TPGS2: variants seen among roughly 807,000 people sequenced by gnomAD.
TPGS2 encodes the protein tubulin polyglutamylase complex subunit 2.
TPGS2 carries 26 observed loss-of-function variants against 31.1 expected under a neutral mutation model. That is an observed-to-expected ratio of 0.84 (90% CI 0.61 to 1.16). TPGS2 has a LOEUF of 1.16. Among genes scored for constraint, TPGS2 ranks in the 50% most tolerant of loss-of-function variants. The pLI, the probability that TPGS2 is intolerant of heterozygous loss-of-function variation, is 0.00. For missense variants in TPGS2, 351 were observed against 363.8 expected, an observed-to-expected ratio of 0.96 and a Z score of 0.29; for synonymous variants, 130 against 136.6, an observed-to-expected ratio of 0.95 and a Z score of 0.34.
rs1424435566 is a variant in TPGS2 at position 36,795,661 on chromosome 18, A to G, written c.*1144T>C. 1.0e-6 allele frequency: 1 copy of G among 985,362 alleles called. No individual in the cohort carries two copies. The highest frequency in any genetic ancestry group is 1.7e-5 in the African/African-American group (1 of 57,252). The allele number at this position is 985,362 out of a possible 1,614,324, so 61.0% of individuals were successfully genotyped here. A position where few individuals can be genotyped will look rare whatever the true frequency, so the allele number is the denominator to read the frequency against. The stretch of plus-strand genomic sequence containing the variant: ...ATGTCAGATTTATCTTGTGTCAAAT[A>G]TTAAGCATATGTGGGCTAGAGGTTC... On this transcript the variant is annotated 3_prime_UTR_variant, in exon 7 of 7. Coordinates refer to ENST00000334295, the MANE Select transcript of TPGS2 (RefSeq NM_015476.4).
chr18:36,816,465 T>C (rs953825185), intron 2 of TPGS2, among the ~76,000 whole-genome samples: 3 of 152,226 alleles, frequency 2.0e-5, no homozygotes, highest in African/African-American at 7.2e-5. Context: ...AGGAAGAATA[T>C]GCCTCAGAAA....
downstream of TPGS2, among the ~76,000 whole-genome samples, chr18:36,793,144 G>C (rs1221305741): frequency 6.6e-6 from 1 of 152,180 alleles, no homozygotes; most frequent in Non-Finnish European, 1.5e-5. Flanking sequence ...ACTTAGTTTA[G>C]TGCTCTTCTG....
Position 36,795,337 on chromosome 18 carries a change from G to C in TPGS2, c.*1468C>G, listed in dbSNP as rs1266395359. ...GGAAGTCTGGCCAATCACCGGGGTAGAGAGAAGTCAGGAAAGAGAATGAGC... is the reference window on the plus strand; with the variant it reads ...GGAAGTCTGGCCAATCACCGGGGTACAGAGAAGTCAGGAAAGAGAATGAGC... On this transcript the variant is annotated 3_prime_UTR_variant, in exon 7 of 7. Transcript: ENST00000334295. The C allele has an allele frequency of 4.1e-6, 4 of 985,450 alleles. No individual in the cohort carries two copies. 61.0% of individuals were successfully genotyped at this position (985,450 alleles called of 1,614,324 possible).
chr18:36,801,759 T>TATC (rs1400969305), intron 4 of TPGS2, among the ~76,000 whole-genome samples: 1 of 118,280 alleles, frequency 8.5e-6, no homozygotes, highest in East Asian at 1.9e-4. Context: ...ATTTTCTCTT[T>TATC]ATCTTTGATT....
At chr18:36,791,201 C>T (rs1231874271), downstream of TPGS2, among the ~76,000 whole-genome samples, 1 of 152,194 alleles carries the variant, frequency 6.6e-6, no homozygotes, top group East Asian at 1.9e-4. Flanking sequence ...TGAGGCCTCC[C>T]CAGCTATGCT....
intron 1 of TPGS2, among the ~76,000 whole-genome samples, chr18:36,827,664 A>C (rs1045159374): frequency 1.7e-4 from 26 of 152,214 alleles, no homozygotes; most frequent in African/African-American, 6.0e-4. Context: ...CAGCCTTCTT[A>C]AAAGACCTTT....
chr18:36,826,832 T>C (rs889996971), intron 1 of TPGS2, among the ~76,000 whole-genome samples: 5 of 152,198 alleles, frequency 3.3e-5, no homozygotes, highest in Non-Finnish European at 7.3e-5. Context: ...TCTTTCACCA[T>C]TACATATGAT....
intron 3 of TPGS2, among the ~76,000 whole-genome samples, chr18:36,806,392 G>A (rs1196649759): frequency 6.6e-6 from 1 of 152,178 alleles, no homozygotes; most frequent in Non-Finnish European, 1.5e-5. Context: ...GGGAAAGTCT[G>A]TCAGTTGGTT....
At chr18:36,823,522 G>A (rs1292669459) in intron 1 of TPGS2, among the ~76,000 whole-genome samples, 1 of 139,454 alleles carries the variant, frequency 7.2e-6, no homozygotes, top group Non-Finnish European at 1.5e-5. Context: ...GTGCAGTGGC[G>A]CGATCTCGGC....
chr18:36,804,310 C>A (rs2044998299), intron 4 of TPGS2, among the ~76,000 whole-genome samples: 1 of 152,194 alleles, frequency 6.6e-6, no homozygotes, highest in Non-Finnish European at 1.5e-5. Flanking sequence ...GTATGTGGAA[C>A]AATGTGATCC....
In TPGS2 at chr18:36,795,471, G is replaced by GAAC. The variant is rs1162224188; in HGVS notation, c.*1331_*1333dup. On this transcript the variant is annotated 3_prime_UTR_variant, in exon 7 of 7. Transcript: ENST00000334295. ...AGTACAAAAACTGCAGCCACCCAAAGAACTTGGGGCTAGGTGGGTGACTCC... is the reference window on the plus strand; with the variant it reads ...AGTACAAAAACTGCAGCCACCCAAAGAACAACTTGGGGCTAGGTGGGTGACTCC... The GAAC allele has an allele frequency of 9.1e-6, 9 of 985,316 alleles. No individual in the cohort carries two copies. In the Admixed American group the frequency reaches 4.3e-4, roughly 47 times the overall value. 61.0% of individuals were successfully genotyped at this position (985,316 alleles called of 1,614,324 possible).
At chr18:36,781,293 A>G (rs1474115508), downstream of TPGS2, among the ~76,000 whole-genome samples, 1 of 152,152 alleles carries the variant, frequency 6.6e-6, no homozygotes, top group Non-Finnish European at 1.5e-5. Flanking sequence ...AAGGTAAACC[A>G]TTGCAGCAGG....
At chr18:36,824,242 A>G (rs1180890511) in intron 1 of TPGS2, among the ~76,000 whole-genome samples, 1 of 152,214 alleles carries the variant, frequency 6.6e-6, no homozygotes, top group African/African-American at 2.4e-5. Context: ...GATATATCAC[A>G]TTTTATATAT....
At chr18:36,781,512 T>C (rs1275098536), downstream of TPGS2, among the ~76,000 whole-genome samples, 1 of 151,908 alleles carries the variant, frequency 6.6e-6, no homozygotes, top group African/African-American at 2.4e-5. Context: ...ATTAGCTGGG[T>C]GTGGTGGCAC....
Position 36,798,578 on chromosome 18 carries a change from C to G in TPGS2, c.528G>C (p.Leu176=). The change falls in exon 6 of 7, where the codon CTG becomes CTC. Residue 176 remains leucine (L), a synonymous_variant. Coordinates refer to ENST00000334295, the MANE Select transcript of TPGS2 (RefSeq NM_015476.4). Reference sequence around the variant, plus strand: ...GAAAATGCCAGTATAACGCTCTGTCCAGGAACCAGATCTCAGTGTCTTCTG... The same window carrying G: ...GAAAATGCCAGTATAACGCTCTGTCGAGGAACCAGATCTCAGTGTCTTCTG... ...ALAEDTEIWF[L]DRALYWHFLT... 6.2e-7 allele frequency: 1 copy of G among 1,614,136 alleles called. No homozygotes were observed. The highest frequency in any genetic ancestry group is 8.5e-7 in the Non-Finnish European group (1 of 1,180,010).
intron 1 of TPGS2, among the ~76,000 whole-genome samples, chr18:36,825,403 G>T (rs1049681664): frequency 8.6e-5 from 12 of 139,962 alleles, no homozygotes; most frequent in Admixed American, 1.5e-4. Context: ...CTGCACTCCA[G>T]CCTGGGCGAC....
chr18:36,781,525 C>G (rs1430260782), downstream of TPGS2, among the ~76,000 whole-genome samples: 4 of 152,016 alleles, frequency 2.6e-5, no homozygotes, highest in South Asian at 4.2e-4. Context: ...GGTGGCACAT[C>G]CCTGTAATCC....
At chr18:36,820,646 G>A (rs1053214869) in intron 1 of TPGS2, among the ~76,000 whole-genome samples, 1 of 152,170 alleles carries the variant, frequency 6.6e-6, no homozygotes, top group Non-Finnish European at 1.5e-5. Flanking sequence ...TTAAGGATAA[G>A]GAAACCGAGG....
At position 36,795,180 on chromosome 18, in the gene TPGS2, T is replaced by C; in HGVS notation, c.*1625A>G. ...CTTTCTCATGAATATCTATCACTAT[T>C]GTCAACAATCAAAATAAACATGTTT... On this transcript the variant is annotated 3_prime_UTR_variant, in exon 7 of 7. Coordinates refer to ENST00000334295, the MANE Select transcript of TPGS2 (RefSeq NM_015476.4). 1.0e-6 allele frequency: 1 copy of C among 985,348 alleles called. No homozygotes were observed. Among genetic ancestry groups the C allele is most frequent in the Non-Finnish European group, 1.2e-6 (1 of 829,912 alleles). The allele number at this position is 985,348 out of a possible 1,614,324, so 61.0% of individuals were successfully genotyped here.
Sources: gnomAD v4.1 joint callset for allele counts (sites outside exome capture counted in the v4.1 genomes callset) on GRCh38, gnomAD v4.1.1 for gene constraint, MANE v1.5 for transcripts, NCBI Gene and HGNC (gene_info 2026-07-23, HGNC 2026-07-21) for gene names.